Variants in NFIC observed in about 807,000 individuals in gnomAD.
The protein encoded by NFIC is nuclear factor 1 C-type.
A neutral mutation model predicts 54.4 loss-of-function variants in NFIC; 12 were observed. The observed-to-expected ratio is 0.22, with a 90% confidence interval of 0.14 to 0.36. The LOEUF (loss-of-function observed/expected upper bound fraction) is 0.36, where lower values mean the gene tolerates loss of function less well. Among genes scored for constraint, NFIC ranks in the 10% least tolerant of loss-of-function variants. The pLI is 1.00. For missense variants in NFIC, 575 were observed against 718.2 expected (o/e 0.80, Z 2.28); for synonymous variants, 322 against 319.2 (o/e 1.01, Z -0.09).
intron 2 of NFIC, among the ~76,000 whole-genome samples, chr19:3,407,021 A>C (rs1219246608): frequency 3.4e-5 from 1 of 29,738 alleles, no homozygotes; most frequent in African/African-American, 1.7e-4. Context: ...CGAGGGGAGG[A>C]GGGGAGGGAG....
chr19:3,384,223 A>G (rs2081257522), intron 2 of NFIC, among the ~76,000 whole-genome samples: 1 of 149,998 alleles, frequency 6.7e-6, no homozygotes, highest in East Asian at 2.0e-4. Context: ...CCCAGCTAAT[A>G]TTTTATATAT....
At chr19:3,410,112 C>T (rs2081729293) in intron 2 of NFIC, among the ~76,000 whole-genome samples, 1 of 151,992 alleles carries the variant, frequency 6.6e-6, no homozygotes, top group African/African-American at 2.4e-5. Context: ...TCGATCTCGG[C>T]TCACTGCAAG....
chr19:3,415,850 T>C (rs2081845065), intron 2 of NFIC, among the ~76,000 whole-genome samples: 1 of 151,980 alleles, frequency 6.6e-6, no homozygotes, highest in Admixed American at 6.6e-5. Context: ...AACACCCCTT[T>C]TTCTGCCCTA....
At position 3,456,919 on chromosome 19, in the gene NFIC, T is replaced by C. The variant is rs116167003; in HGVS notation, c.1509+284T>C. 4.2e-4 allele frequency: 206 copies of C among 494,668 alleles called. 1 individual carries two copies. The highest frequency in any genetic ancestry group is 3.6e-3 in the African/African-American group (185 of 51,158). 30.6% of individuals were successfully genotyped at this position (494,668 alleles called of 1,614,324 possible). A position where few individuals can be genotyped will look rare whatever the true frequency, so the allele number is the denominator to read the frequency against. On this transcript the variant is annotated intron_variant, in intron 10 of 10. Transcript: ENST00000443272. ...CATCGTGGTACAGCTATGGGACCAG[T>C]GTCATTACCACCTGCTTCCCATGGT...
In NFIC at chr19:3,464,314, G is replaced by T; in HGVS notation, c.*1545G>T. 1 of 985,178 alleles carries T rather than the reference G, an allele frequency of 1.0e-6. No homozygotes were observed. Among genetic ancestry groups the T allele is most frequent in the Non-Finnish European group, 1.2e-6 (1 of 829,818 alleles). 61.0% of individuals were successfully genotyped at this position (985,178 alleles called of 1,614,324 possible). A position where few individuals can be genotyped will look rare whatever the true frequency, so the allele number is the denominator to read the frequency against. ...GCGTCGCACCTTGGGGCCCCCCGCA[G>T]CCGTGTAGGGGGCCTCCCATCTGCT... is the stretch of plus-strand genomic sequence containing the variant. On this transcript the variant is annotated 3_prime_UTR_variant, in exon 11 of 11. Transcript: ENST00000443272.
At chr19:3,429,631 G>C (rs1352984259) in intron 3 of NFIC, among the ~76,000 whole-genome samples, 1 of 152,052 alleles carries the variant, frequency 6.6e-6, no homozygotes, top group Non-Finnish European at 1.5e-5. Context: ...GCGGGGGTTT[G>C]GGTCTGCAGA....
chr19:3,377,904 G>A (rs991468823), intron 1 of NFIC, among the ~76,000 whole-genome samples: 3 of 151,670 alleles, frequency 2.0e-5, no homozygotes, highest in Non-Finnish European at 4.4e-5. Flanking sequence ...CTACAGACGC[G>A]CACCACAAAA....
At chr19:3,386,602 C>A (rs1029927961) in intron 2 of NFIC, among the ~76,000 whole-genome samples, 5 of 152,020 alleles carry the variant, frequency 3.3e-5, no homozygotes, top group Admixed American at 2.6e-4. Flanking sequence ...GGATGACAGG[C>A]GTGAGCCACC....
intron 2 of NFIC, among the ~76,000 whole-genome samples, chr19:3,418,762 G>T (rs2081908430): frequency 6.6e-6 from 1 of 152,188 alleles, no homozygotes; most frequent in African/African-American, 2.4e-5. Flanking sequence ...TGAGGCAGAA[G>T]ATTTGGTTGA....
upstream of NFIC, among the ~76,000 whole-genome samples, chr19:3,365,950 C>T (rs1191755573): frequency 6.6e-6 from 1 of 152,164 alleles, no homozygotes; most frequent in Non-Finnish European, 1.5e-5. Flanking sequence ...GCTGTGGGAC[C>T]AGCTCACCGT....
intron 2 of NFIC, among the ~76,000 whole-genome samples, chr19:3,409,722 T>C (rs2081720565): frequency 6.6e-6 from 1 of 152,212 alleles, no homozygotes; most frequent in African/African-American, 2.4e-5. Flanking sequence ...GAATTTGGGC[T>C]CACAGCCACG....
At chr19:3,360,659 CGTGTT>C (rs1052358688) in intron 1 of NFIC, among the ~76,000 whole-genome samples, 2 of 152,200 alleles carry the variant, frequency 1.3e-5, no homozygotes, top group Non-Finnish European at 2.9e-5. Flanking sequence ...CGTGCTGGCG[CGTGTT>C]GTGTTGTGAG....
At chr19:3,371,994 T>C (rs1277672204) in intron 1 of NFIC, among the ~76,000 whole-genome samples, 28 of 66,216 alleles carry the variant, frequency 4.2e-4, no homozygotes, top group Non-Finnish European at 7.4e-4. Flanking sequence ...TCTCCCTCTC[T>C]CTCCCTCTCT....
intron 2 of NFIC, among the ~76,000 whole-genome samples, chr19:3,386,451 T>C (rs1346279599): frequency 2.0e-5 from 3 of 150,566 alleles, no homozygotes; most frequent in Non-Finnish European, 1.5e-5. Context: ...GCCTCCCGAG[T>C]AGCTGAGATT....
rs1180772081 is a variant in NFIC at position 3,394,510 on chromosome 19, CTT to C, written c.562+12270_562+12271del. 5.4e-3 allele frequency among the ~76,000 whole-genome samples: 121 copies of C among 22,578 alleles called. 1 individual carries two copies. The highest frequency in any genetic ancestry group is 0.016 in the African/African-American group (115 of 7,366). The allele number at this position is 22,578 out of a possible 152,430, so 14.8% of individuals were successfully genotyped here. A position where few individuals can be genotyped will look rare whatever the true frequency, so the allele number is the denominator to read the frequency against. On this transcript the variant is annotated intron_variant, in intron 2 of 10. Transcript: ENST00000443272. ...AAAAGTTATCGAGGTATTTTATGAT[CTT>C]TTCCCCACCCACCCCCCACCCGCTT...
intron 2 of NFIC, among the ~76,000 whole-genome samples, chr19:3,409,507 C>T (rs559763325): frequency 2.0e-4 from 31 of 152,190 alleles, no homozygotes; most frequent in Non-Finnish European, 2.5e-4. Flanking sequence ...CTCTGCCATC[C>T]CCCCAAGGCC....
chr19:3,451,326 G>A (rs374479819), intron 7 of NFIC, among the ~76,000 whole-genome samples: 28 of 152,192 alleles, frequency 1.8e-4, no homozygotes, highest in East Asian at 1.4e-3. Flanking sequence ...TGATGGAGAC[G>A]GAATTTCTTT....
chr19:3,396,253 C>G (rs1211344396), intron 2 of NFIC, among the ~76,000 whole-genome samples: 1 of 151,896 alleles, frequency 6.6e-6, no homozygotes, highest in South Asian at 2.1e-4. Flanking sequence ...ATGCGGATCA[C>G]GAGGTGAGGA....
intron 7 of NFIC, among the ~76,000 whole-genome samples, chr19:3,449,434 A>G (rs528828330): frequency 6.7e-6 from 1 of 148,712 alleles, no homozygotes; most frequent in East Asian, 2.0e-4. Flanking sequence ...CCCCATTCCA[A>G]CCCCAGACAC....
Sources: allele counts gnomAD v4.1 joint callset (sites outside exome capture counted in the v4.1 genomes callset), GRCh38; gene constraint gnomAD v4.1.1; transcripts MANE v1.5; gene names NCBI Gene and HGNC (gene_info 2026-07-23, HGNC 2026-07-21).